The following THOC2 variants were observed in gnomAD, a reference collection of about 807,000 sequenced individuals.
The protein encoded by THOC2 is THO complex 2.
Under a neutral mutation model 128.4 loss-of-function variants are expected in THOC2, and 10 were observed. That is an observed-to-expected ratio of 0.08 (90% CI 0.05 to 0.13). The LOEUF (loss-of-function observed/expected upper bound fraction) is 0.13. Among genes scored for constraint, THOC2 ranks in the 10% least tolerant of loss-of-function variants. THOC2 has a pLI of 1.00. For synonymous variants in THOC2, 393 were observed against 396.9 expected (o/e 0.99, Z 0.12); for missense variants, 535 against 1,155.7 (o/e 0.46, Z 7.79).
At chrX:123,635,290 T>C (rs1446563051) in intron 19 of THOC2, among the ~76,000 whole-genome samples, 1 of 111,961 alleles carries the variant, frequency 8.9e-6, no homozygotes, top group East Asian at 2.8e-4. Flanking sequence ...TAAAAATATA[T>C]AGAAATGGCA....
At chrX:123,722,590 G>A (rs897301196) in intron 1 of THOC2, among the ~76,000 whole-genome samples, 1 of 108,989 alleles carries the variant, frequency 9.2e-6, no homozygotes, top group Non-Finnish European at 1.9e-5. Flanking sequence ...CAAGGGGAGG[G>A]AGAGCATTAG....
intron 2 of THOC2, among the ~76,000 whole-genome samples, chrX:123,710,649 G>C (rs2051139571): frequency 9.1e-6 from 1 of 110,466 alleles, no homozygotes. Flanking sequence ...TCTTAAAACA[G>C]GTCTTACCCA....
At chrX:123,724,481 T>C (rs1047030555) in intron 1 of THOC2, among the ~76,000 whole-genome samples, 1 of 111,434 alleles carries the variant, frequency 9.0e-6, no homozygotes, top group African/African-American at 3.3e-5. Context: ...GGTCAAGAGT[T>C]TGAGACCAGC....
chrX:123,660,091 C>T (rs917877863), intron 12 of THOC2, among the ~76,000 whole-genome samples: 1 of 111,994 alleles, frequency 8.9e-6, no homozygotes, highest in Non-Finnish European at 1.9e-5. Flanking sequence ...TTACACTGGT[C>T]TCTATGGTCA....
At position 123,712,886 on chromosome X, in the gene THOC2, T is replaced by G; in HGVS notation, c.94A>C (p.Ser32Arg). The change falls in exon 2 of 39, where the codon AGT becomes CGT. Residue 32 changes from serine to arginine, a missense_variant. By Grantham distance (110) the Ser-to-Arg change is moderately radical (BLOSUM62 -1). This residue lies in a region of THOC2 where 61 missense variants were observed against 84.3 expected (regional missense o/e 0.72). Transcript: ENST00000245838. Reference protein sequence around the residue: ...GEFLHLCRILSENKSHDSSTY... With the variant: ...GEFLHLCRILRENKSHDSSTY... ...GAACTATCATGGCTTTTATTTTCAC[T>G]GAGGATCCGACATAAATGCAAACTA... 8.5e-7 allele frequency: 1 copy of G among 1,174,994 alleles called. No homozygotes were observed. Among genetic ancestry groups the G allele is most frequent in the Non-Finnish European group, 1.1e-6 (1 of 873,191 alleles).
At chrX:123,610,101 T>C (rs1220067980) in intron 38 of THOC2, 1 of 110,210 alleles carries the variant, frequency 9.1e-6, no homozygotes, top group Non-Finnish European at 1.9e-5. Context: ...AACCATTACA[T>C]TTAGGGGGCA....
At chrX:123,659,689 A>G (rs2048753117) in intron 12 of THOC2, among the ~76,000 whole-genome samples, 1 of 112,838 alleles carries the variant, frequency 8.9e-6, no homozygotes, top group African/African-American at 3.2e-5. Flanking sequence ...AGAAACATAT[A>G]TACACATAAT....
chrX:123,644,903 T>C lies in THOC2; in HGVS notation c.1435A>G (p.Ile479Val), dbSNP rs2048061658. The C allele has an allele frequency of 1.7e-6, 2 of 1,193,285 alleles. No individual in the cohort carries two copies. Among genetic ancestry groups the C allele is most frequent in the Non-Finnish European group, 1.1e-6 (1 of 887,860 alleles). ...GTAATGCTAAGCAAACAGCTAAGGATAACTTCCTAAAAGAAAGAAGGAAAA... is the reference window on the plus strand; with the variant it reads ...GTAATGCTAAGCAAACAGCTAAGGACAACTTCCTAAAAGAAAGAAGGAAAA... ...KQEDKEKTEV[I>V]LSCLLSITDQ... Residue 479 changes from isoleucine (I) to valine (V), a missense_variant, in exon 14 of 39, where the codon ATC becomes GTC. By Grantham distance (29) the Ile-to-Val change is conservative. Coordinates refer to ENST00000245838, the MANE Select transcript of THOC2 (RefSeq NM_001081550.2).
chrX:123,710,539 ACTGT>A (rs1451183618), intron 2 of THOC2, among the ~76,000 whole-genome samples: 1 of 111,740 alleles, frequency 8.9e-6, no homozygotes, highest in African/African-American at 3.3e-5. Context: ...AGAATACATT[ACTGT>A]CTATCAACCT....
At chrX:123,667,713 C>T (rs1027451588) in intron 10 of THOC2, among the ~76,000 whole-genome samples, 6 of 108,915 alleles carry the variant, frequency 5.5e-5, no homozygotes, top group Non-Finnish European at 9.5e-5. Flanking sequence ...CACTCCAGCC[C>T]GGGTGAAAGA....
rs780594868 is a variant in THOC2 at position 123,631,884 on chromosome X, A to G, written c.2317-32T>C. 2.6e-5 allele frequency: 30 copies of G among 1,145,834 alleles called. No homozygotes were observed. In the South Asian group the frequency reaches 5.9e-4, roughly 23 times the overall value. 94.4% of individuals were successfully genotyped at this position (1,145,834 alleles called of 1,213,427 possible). Reference sequence around the variant, plus strand: ...TTAAAAAATAAGACAAAATCAACATATTTTCCAAAGTGATTAAGAAGTCAT... The same window carrying G: ...TTAAAAAATAAGACAAAATCAACATGTTTTCCAAAGTGATTAAGAAGTCAT... On this transcript the variant is annotated intron_variant, in intron 21 of 38. Coordinates refer to ENST00000245838, the MANE Select transcript of THOC2 (RefSeq NM_001081550.2).
At chrX:123,625,357 C>G (rs72609502) in intron 25 of THOC2, among the ~76,000 whole-genome samples, 1 of 111,650 alleles carries the variant, frequency 9.0e-6, no homozygotes, top group South Asian at 3.7e-4. Context: ...CTCGGCCTCC[C>G]GAAGTACTGG....
intron 1 of THOC2, among the ~76,000 whole-genome samples, chrX:123,719,381 A>T (rs962077991): frequency 2.3e-4 from 26 of 110,734 alleles, no homozygotes; most frequent in African/African-American, 8.2e-4. Flanking sequence ...AAGACAAAAA[A>T]TAAGTATCGA....
At chrX:123,724,336 G>A (rs1284673528) in intron 1 of THOC2, among the ~76,000 whole-genome samples, 1 of 111,596 alleles carries the variant, frequency 9.0e-6, no homozygotes, top group African/African-American at 3.3e-5. Context: ...GTAAACTTTT[G>A]CTGGTCAACA....
chrX:123,700,414 T>A (rs1427928389), intron 4 of THOC2, among the ~76,000 whole-genome samples: 1 of 104,079 alleles, frequency 9.6e-6, no homozygotes, highest in Admixed American at 1.1e-4. Context: ...GGCAGGAGAA[T>A]CACTTGAACC....
At chrX:123,646,403 A>G (rs1354158872) in intron 12 of THOC2, among the ~76,000 whole-genome samples, 1 of 112,454 alleles carries the variant, frequency 8.9e-6, no homozygotes, top group African/African-American at 3.2e-5. Flanking sequence ...AAGTACTGAC[A>G]ACCAGTGACA....
At chrX:123,717,959 C>T (rs1324307024) in intron 1 of THOC2, among the ~76,000 whole-genome samples, 2 of 112,641 alleles carry the variant, frequency 1.8e-5, no homozygotes, top group Non-Finnish European at 3.7e-5. Flanking sequence ...AGTCAGCCCT[C>T]CATATCCACA....
intron 7 of THOC2, among the ~76,000 whole-genome samples, chrX:123,690,292 A>C (rs898762854): frequency 7.2e-5 from 8 of 111,811 alleles, no homozygotes; most frequent in African/African-American, 2.6e-4. Flanking sequence ...AGGAATGTGC[A>C]TTATCTTGTT....
chrX:123,664,637 C>T (rs1266666288), intron 12 of THOC2, among the ~76,000 whole-genome samples: 1 of 111,971 alleles, frequency 8.9e-6, no homozygotes, highest in African/African-American at 3.2e-5. Flanking sequence ...AAACGCAAAT[C>T]AAAACCACAA....
Sources: allele counts gnomAD v4.1 joint callset (sites outside exome capture counted in the v4.1 genomes callset), GRCh38; gene constraint gnomAD v4.1.1; regional missense constraint gnomAD v4.1.1; transcripts MANE v1.5; gene names NCBI Gene and HGNC (gene_info 2026-07-23, HGNC 2026-07-21).